Variants in PLCD4 observed in about 807,000 individuals in gnomAD.
The protein encoded by PLCD4 is phospholipase C delta 4, also known as 1-phosphatidylinositol 4,5-bisphosphate phosphodiesterase delta-4.
In PLCD4, 63 loss-of-function variants were observed where a neutral mutation model predicts 90.2. The ratio of observed to expected loss-of-function variants is 0.70; its 90% CI spans 0.57 to 0.86. PLCD4 has a LOEUF of 0.86. Ranked by LOEUF, PLCD4 falls within the 40% of genes least tolerant of loss-of-function variation. The pLI, the probability that PLCD4 is intolerant of heterozygous loss-of-function variation, is 0.00. For synonymous variants in PLCD4, 294 were observed against 356.5 expected (o/e 0.82, Z 1.97); for missense variants, 830 against 956.3 (o/e 0.87, Z 1.74).
intron 10 of PLCD4, 27 bp from the exon 11 acceptor site, chr2:218,633,578 T>G (rs778169807): frequency 1.2e-6 from 2 of 1,609,056 alleles, no homozygotes; most frequent in Non-Finnish European, 1.7e-6. Context: ...GAGGGTTCAA[T>G]TCCATCTTCT....
chr2:218,618,497 G>C, intron 3 of PLCD4, 82 bp from the exon 4 acceptor site: 1 of 1,206,322 alleles, frequency 8.3e-7, no homozygotes. Flanking sequence ...CATGGAGAAG[G>C]GGGTGCTGGT....
chr2:218,615,761 C>G lies in PLCD4; in HGVS notation c.22C>G (p.Gln8Glu). Residue 8 changes from glutamine to glutamate, a missense_variant and splice_region_variant, in exon 2 of 16, where the codon CAG (glutamine) becomes GAG (glutamate). Gln to Glu is a conservative substitution (Grantham distance 29). Transcript: ENST00000450993. ...GGTGATGGCGTCCCTGCTGCAAGAC[C>G]GTGAGTGCCGGGGCCCCTGCAGGGG... is the stretch of plus-strand genomic sequence containing the variant. MASLLQD[Q>E]LTTDQDLLLM... 6.2e-7 allele frequency: 1 copy of G among 1,606,864 alleles called. No homozygotes were observed. Among genetic ancestry groups the G allele is most frequent in the Non-Finnish European group, 8.5e-7 (1 of 1,176,454 alleles).
At chr2:218,616,898 T>TTTTATATATATATATATATATA (rs1553571887) in intron 3 of PLCD4, among the ~76,000 whole-genome samples, 1 of 6,254 alleles carries the variant, frequency 1.6e-4, no homozygotes, top group Admixed American at 3.0e-3. Flanking sequence ...AGCCATTATT[T>TTTTATATATATATATATATATA]TATATATATA....
At position 218,616,927 on chromosome 2, in the gene PLCD4, TAGAGAGAG is replaced by T. The variant is rs71266346; in HGVS notation, c.181+917_181+924del. Among the ~76,000 whole-genome samples the T allele has an allele frequency of 3.9e-3, 53 of 13,722 alleles. 1 individual carries two copies. The highest frequency in any genetic ancestry group is 6.6e-3 in the East Asian group (2 of 304). 9.0% of individuals were successfully genotyped at this position (13,722 alleles called of 152,430 possible). On this transcript the variant is annotated intron_variant, in intron 3 of 15. Transcript: ENST00000450993. ...ATATATATATATATATATATATATATAGAGAGAGAGAGAGAGAGAGAGAGAGAGAGAGA... is the reference window on the plus strand; with the variant it reads ...ATATATATATATATATATATATATATAGAGAGAGAGAGAGAGAGAGAGAGA...
At chr2:218,633,488 C>G in intron 10 of PLCD4, 117 bp from the exon 11 acceptor site, 1 of 1,218,172 alleles carries the variant, frequency 8.2e-7, no homozygotes, top group Non-Finnish European at 1.2e-6. Flanking sequence ...GCAGGTGAGG[C>G]AGGAGGGAGA....
At chr2:218,616,927 T>TATAGAG (rs1553571947) in intron 3 of PLCD4, among the ~76,000 whole-genome samples, 1 of 13,764 alleles carries the variant, frequency 7.3e-5, no homozygotes, top group Non-Finnish European at 1.3e-4. Flanking sequence ...TATATATATA[T>TATAGAG]AGAGAGAGAG....
At chr2:218,614,491 C>T (rs1021367716) in intron 1 of PLCD4, among the ~76,000 whole-genome samples, 10 of 150,806 alleles carry the variant, frequency 6.6e-5, no homozygotes, top group South Asian at 4.2e-4. Flanking sequence ...GCTGTGTCGC[C>T]CAGGCTGGAG....
rs1695947345 is a variant in PLCD4 at position 218,622,832 on chromosome 2, T to TG, written c.727dup (p.Glu243GlyfsTer8). ...AGCAGAAGGAGAGAGACTGCACCTC[T>TG]GAGCTTGCTCTGGAACTCATTGACC... On this transcript the variant is annotated frameshift_variant, in exon 6 of 16. Transcript: ENST00000450993. LOFTEE classifies it high-confidence loss of function. 6.2e-7 allele frequency: 1 copy of TG among 1,613,930 alleles called. No homozygotes were observed. The highest frequency in any genetic ancestry group is 1.3e-5 in the African/African-American group (1 of 74,942).
chr2:218,630,694 C>G lies in PLCD4; in HGVS notation c.1164C>G (p.Ser388Arg), dbSNP rs1405303378. The part of the protein sequence containing the change: ...PVILSLETHC[S>R]WEQQQTMARH... ...TCTTGTCCCTGGAGACCCACTGCAG[C>G]TGGGAGCAGCAGCAGACCATGGCCC... is the stretch of plus-strand genomic sequence containing the variant. The change falls in exon 9 of 16, where the codon AGC becomes AGG. Residue 388 changes from serine (S) to arginine (R), a missense_variant. Physicochemically the swap from Ser to Arg is moderately radical, Grantham distance 110 (BLOSUM62 -1). Transcript: ENST00000450993. 2 of 1,613,928 alleles carry G rather than the reference C, an allele frequency of 1.2e-6. No homozygotes were observed. The highest frequency in any genetic ancestry group is 2.7e-5 in the African/African-American group (2 of 74,948).
Position 218,634,087 on chromosome 2 carries a change from C to T in PLCD4, c.1607-18C>T. On this transcript the variant is annotated intron_variant, in intron 11 of 15. Transcript: ENST00000450993. This position sits in a 1 kb window ranked among gnomAD's most constrained non-coding sequence, Gnocchi z 4.0. ...GATTCCACCCCACTTCCATCTCCCT[C>T]TCTATACCCTTTTACAGGCAATGAG... 1.9e-6 allele frequency: 3 copies of T among 1,594,316 alleles called. No homozygotes were observed. Among genetic ancestry groups the T allele is most frequent in the Non-Finnish European group, 2.6e-6 (3 of 1,170,374 alleles).
intron 10 of PLCD4, 186 bp from the exon 11 acceptor site, chr2:218,633,419 T>A (rs1225038093): frequency 1.3e-6 from 1 of 742,682 alleles, no homozygotes; most frequent in Non-Finnish European, 2.4e-6. Context: ...TCCGTCTATC[T>A]GTTGTCAGAT....
chr2:218,614,544 G>C (rs544387709), intron 1 of PLCD4, among the ~76,000 whole-genome samples: 1 of 151,666 alleles, frequency 6.6e-6, no homozygotes. Flanking sequence ...CTGCCACCCA[G>C]GTTCAAGCGA....
At position 218,634,171 on chromosome 2, in the gene PLCD4, A is replaced by T; in HGVS notation, c.1673A>T (p.Asp558Val). The change falls in exon 12 of 16, where the codon GAC (aspartate) becomes GTC (valine). Residue 558 changes from aspartate (D) to valine (V), a missense_variant. Asp to Val is a radical substitution (Grantham distance 152). Transcript: ENST00000450993. The surrounding 1 kb of genome is among the most constrained non-coding windows in gnomAD (Gnocchi z 4.0). ...SRVYPSGLRT[D>V]SSNYNPQELW... is the part of the protein sequence containing the mutation. ...GTGTATCCCAGCGGCCTGAGGACAG[A>T]CTCTTCCAACTACAACCCCCAGGAA... 6.2e-7 allele frequency: 1 copy of T among 1,612,408 alleles called. No homozygotes were observed. Among genetic ancestry groups the T allele is most frequent in the Non-Finnish European group, 8.5e-7 (1 of 1,179,262 alleles).
At chr2:218,624,735 GAAAAGAAAA>G (rs1306555704) in intron 6 of PLCD4, among the ~76,000 whole-genome samples, 1 of 142,144 alleles carries the variant, frequency 7.0e-6, no homozygotes, top group African/African-American at 2.6e-5. Context: ...AAAAAAAAAA[GAAAAGAAAA>G]GAAAAAAAAG....
At chr2:218,635,269 GA>G (rs1213261754) in intron 13 of PLCD4, among the ~76,000 whole-genome samples, 7 of 144,242 alleles carry the variant, frequency 4.9e-5, no homozygotes, top group Admixed American at 6.9e-5. Flanking sequence ...GTGTCTCTTT[GA>G]AAAAAAAAAA....
In PLCD4 at chr2:218,636,576, G is replaced by A. The variant is rs1696769518; in HGVS notation, c.2288G>A (p.Ter763=). The change falls in exon 16 of 16, where the codon TGA becomes TAA. Residue 763 remains the stop codon, a stop_retained_variant. Transcript: ENST00000450993. ...GAAGGCCTGGAGGGGGATGAGTCCTGAGGTGGGCATTTCACGGGAAGGGTT... is the reference window on the plus strand; with the variant it reads ...GAAGGCCTGGAGGGGGATGAGTCCTAAGGTGGGCATTTCACGGGAAGGGTT... ...IQEGLEGDES[*] is the part of the protein sequence containing the mutation. 6.2e-7 allele frequency: 1 copy of A among 1,613,682 alleles called. No homozygotes were observed. The highest frequency in any genetic ancestry group is 8.5e-7 in the Non-Finnish European group (1 of 1,179,736).
At chr2:218,632,074 A>G in intron 9 of PLCD4, 62 bp from the exon 10 acceptor site, 3 of 1,490,536 alleles carry the variant, frequency 2.0e-6, no homozygotes, top group South Asian at 1.4e-5. Flanking sequence ...TGAGACTGGC[A>G]TGATTCCCAG....
intron 6 of PLCD4, among the ~76,000 whole-genome samples, chr2:218,627,353 T>G (rs1454990410): frequency 6.6e-6 from 1 of 151,916 alleles, no homozygotes; most frequent in Non-Finnish European, 1.5e-5. Flanking sequence ...ACATTTCAAG[T>G]GCTCAGTAGC....
chr2:218,631,775 G>A (rs959611817), intron 9 of PLCD4, among the ~76,000 whole-genome samples: 4 of 150,244 alleles, frequency 2.7e-5, no homozygotes, highest in Non-Finnish European at 4.4e-5. Flanking sequence ...CCGGGCGACA[G>A]TGCGAGACTC....
Sources: allele counts gnomAD v4.1 joint callset (sites outside exome capture counted in the v4.1 genomes callset), GRCh38; gene constraint gnomAD v4.1.1; non-coding constraint Gnocchi (gnomAD v3.1); transcripts MANE v1.5; gene names NCBI Gene and HGNC (gene_info 2026-07-23, HGNC 2026-07-21).